The following RFX4 variants were observed in gnomAD, a reference collection of about 807,000 sequenced individuals.
RFX4 encodes transcription factor RFX4.
In RFX4, 10 loss-of-function variants were observed where a neutral mutation model predicts 95.0. The observed-to-expected ratio is 0.11, with a 90% CI of 0.06 to 0.18. RFX4 has a LOEUF of 0.18. Among genes scored for constraint, RFX4 ranks in the 10% least tolerant of loss-of-function variants. The pLI, the probability that RFX4 is intolerant of heterozygous loss-of-function variation, is 1.00. For missense variants in RFX4, 640 were observed against 922.0 expected, an observed-to-expected ratio of 0.69 and a Z score of 3.96; for synonymous variants, 321 against 340.7, an observed-to-expected ratio of 0.94 and a Z score of 0.64.
intron 3 of RFX4, among the ~76,000 whole-genome samples, chr12:106,651,485 CT>C (rs2040855892): frequency 6.6e-6 from 1 of 151,990 alleles, no homozygotes; most frequent in South Asian, 2.1e-4. Flanking sequence ...CCCAACTCTT[CT>C]ATGAAACTTT....
intron 3 of RFX4, 46 bp downstream of exon 3, chr12:106,639,438 A>G (rs760749318): frequency 5.2e-6 from 8 of 1,541,896 alleles, no homozygotes; most frequent in African/African-American, 1.4e-5. Flanking sequence ...GGATGCTCAT[A>G]TCTTCTTGTC....
intron 4 of RFX4, among the ~76,000 whole-genome samples, chr12:106,679,470 A>C (rs2041463023): frequency 6.6e-6 from 1 of 152,066 alleles, no homozygotes; most frequent in South Asian, 2.1e-4. Context: ...AAAACAAAAA[A>C]AAAAACCAAA....
intron 3 of RFX4, among the ~76,000 whole-genome samples, chr12:106,646,748 G>T (rs985569392): frequency 6.6e-6 from 1 of 152,180 alleles, no homozygotes; most frequent in Non-Finnish European, 1.5e-5. Context: ...ATCCTGTAGA[G>T]AAGGCAGGAC....
At chr12:106,606,998 G>C (rs530579796) in intron 1 of RFX4, among the ~76,000 whole-genome samples, 1 of 152,282 alleles carries the variant, frequency 6.6e-6, no homozygotes, top group African/African-American at 2.4e-5. Context: ...GAAAAACAGA[G>C]ATTAAAATCC....
At chr12:106,596,136 C>T (rs565887252) in intron 1 of RFX4, among the ~76,000 whole-genome samples, 5 of 152,278 alleles carry the variant, frequency 3.3e-5, no homozygotes, top group East Asian at 3.9e-4. Context: ...TGTGCCCACC[C>T]AAATCTCATC....
intron 3 of RFX4, among the ~76,000 whole-genome samples, chr12:106,647,609 C>T (rs1458870840): frequency 2.0e-5 from 3 of 152,126 alleles, no homozygotes; most frequent in Admixed American, 6.5e-5. Flanking sequence ...GCAGTGTTTA[C>T]TGACTGTGTT....
At chr12:106,608,346 G>T (rs2039882125) in intron 1 of RFX4, among the ~76,000 whole-genome samples, 1 of 152,196 alleles carries the variant, frequency 6.6e-6, no homozygotes, top group South Asian at 2.1e-4. Context: ...AGTCCCTAAA[G>T]TTTTACCTGC....
At chr12:106,608,104 G>T (rs553210899) in intron 1 of RFX4, among the ~76,000 whole-genome samples, 1 of 152,268 alleles carries the variant, frequency 6.6e-6, no homozygotes, top group Non-Finnish European at 1.5e-5. Context: ...CAGGAGAATT[G>T]CTTGAGCCCG....
chr12:106,726,270 GA>G lies in RFX4; in HGVS notation c.1351+5404del, dbSNP rs1204373477. On this transcript the variant is annotated intron_variant, in intron 13 of 17. Coordinates refer to ENST00000392842, the MANE Select transcript of RFX4 (RefSeq NM_213594.3). Reference sequence around the variant, plus strand: ...CTAAAAAAAAAAAAAAGAAAAAAAGGAAAAAAAAAAGAAGAAGAAAATCTGT... The same window carrying G: ...CTAAAAAAAAAAAAAAGAAAAAAAGGAAAAAAAAAGAAGAAGAAAATCTGT... 2.4e-3 allele frequency among the ~76,000 whole-genome samples: 352 copies of G among 145,666 alleles called. 1 individual carries two copies. Among genetic ancestry groups the G allele is most frequent in the African/African-American group, 8.3e-3 (329 of 39,804 alleles).
intron 7 of RFX4, among the ~76,000 whole-genome samples, chr12:106,694,176 T>G (rs1835176557): frequency 6.6e-6 from 1 of 152,206 alleles, no homozygotes; most frequent in African/African-American, 2.4e-5. Flanking sequence ...AGACCTGACT[T>G]CATTCACCAC....
intron 1 of RFX4, among the ~76,000 whole-genome samples, chr12:106,592,708 A>G (rs2039566427): frequency 6.6e-6 from 1 of 152,050 alleles, no homozygotes; most frequent in Non-Finnish European, 1.5e-5. Context: ...GTTTTCAGGA[A>G]GTAGAAAACT....
At chr12:106,724,397 A>G (rs1380392934) in intron 13 of RFX4, among the ~76,000 whole-genome samples, 1 of 152,244 alleles carries the variant, frequency 6.6e-6, no homozygotes, top group Non-Finnish European at 1.5e-5. Context: ...GATTATCACA[A>G]TTAAGGCAAA....
At chr12:106,738,868 T>C (rs2042757687) in intron 15 of RFX4, among the ~76,000 whole-genome samples, 1 of 152,182 alleles carries the variant, frequency 6.6e-6, no homozygotes, top group African/African-American at 2.4e-5. Flanking sequence ...TATTAGGAAA[T>C]CTATTACGGT....
At chr12:106,646,431 C>CAA (rs56305939) in intron 3 of RFX4, among the ~76,000 whole-genome samples, 4,399 of 66,226 alleles carry the variant, frequency 0.066, 327 homozygotes, top group Non-Finnish European at 0.083. Flanking sequence ...TAGTTTTATC[C>CAA]AAAAAAAAAA....
intron 15 of RFX4, among the ~76,000 whole-genome samples, chr12:106,736,005 T>TA (rs2042702980): frequency 6.6e-6 from 1 of 152,134 alleles, no homozygotes; most frequent in Non-Finnish European, 1.5e-5. Context: ...TCATTACCTT[T>TA]CCATCCAAAC....
intron 2 of RFX4, 75 bp downstream of exon 2, chr12:106,608,958 G>T: frequency 1.4e-6 from 2 of 1,401,380 alleles, no homozygotes; most frequent in South Asian, 1.3e-5. Context: ...AGTGCCACTA[G>T]ATTGCTAGGC....
Position 106,655,741 on chromosome 12 carries a change from C to T in RFX4, c.315+1390C>T, listed in dbSNP as rs142348059. On this transcript the variant is annotated intron_variant, in intron 4 of 17. Transcript: ENST00000392842. The stretch of plus-strand genomic sequence containing the variant: ...CTTATTATCTAACCTCTCTAAGCCT[C>T]AGCTGCCCCAGCTTCCTCAGGGGGA... Among the ~76,000 whole-genome samples the T allele has an allele frequency of 2.5e-3, 385 of 152,310 alleles. 1 individual carries two copies. Among genetic ancestry groups the T allele is most frequent in the African/African-American group, 8.5e-3 (352 of 41,556 alleles).
At chr12:106,694,640 C>A (rs891218165) in intron 7 of RFX4, among the ~76,000 whole-genome samples, 1 of 152,168 alleles carries the variant, frequency 6.6e-6, no homozygotes, top group Non-Finnish European at 1.5e-5. Context: ...CTTTGGACAA[C>A]TAATATCTCT....
chr12:106,732,007 G>C, intron 13 of RFX4, 123 bp from the exon 14 acceptor site: 2 of 1,387,812 alleles, frequency 1.4e-6, no homozygotes, highest in Admixed American at 4.0e-5. Context: ...TCATAATTGA[G>C]TGGAAAATTA....
Sources: gnomAD v4.1 joint callset for allele counts (sites outside exome capture counted in the v4.1 genomes callset) on GRCh38, gnomAD v4.1.1 for gene constraint, MANE v1.5 for transcripts, NCBI Gene and HGNC (gene_info 2026-07-23, HGNC 2026-07-21) for gene names.